The following LRRC37A2 variants were observed in gnomAD, a reference collection of about 807,000 sequenced individuals.
LRRC37A2 encodes leucine rich repeat containing 37 member A2.
A neutral mutation model predicts 68.8 loss-of-function variants in LRRC37A2; 9 were observed. That is an observed-to-expected ratio of 0.13 (90% CI 0.08 to 0.23). The LOEUF is 0.23. LRRC37A2 is among the 10% of genes least tolerant of loss of function. The pLI is 1.00. For missense variants in LRRC37A2, 168 were observed against 950.4 expected (o/e 0.18, Z 10.82); for synonymous variants, 63 against 367.6 (o/e 0.17, Z 9.48).
chr17:46,867,881 C>A, the LRRC37A2 span, among the ~76,000 whole-genome samples: 1 of 152,070 alleles, frequency 6.6e-6, no homozygotes, highest in South Asian at 2.1e-4. Flanking sequence ...AGCCAGAGGT[C>A]ATCGCATGTG....
chr17:46,709,752 C>T, the LRRC37A2 span, among the ~76,000 whole-genome samples: 1 of 152,168 alleles, frequency 6.6e-6, no homozygotes, highest in African/African-American at 2.4e-5. Context: ...GCCTCAGCCT[C>T]CCAAAGTGCT....
chr17:46,680,400 T>C, the LRRC37A2 span, among the ~76,000 whole-genome samples: 1 of 151,590 alleles, frequency 6.6e-6, no homozygotes, highest in African/African-American at 2.4e-5. Flanking sequence ...GATAATTGAC[T>C]ACCTATTTGG....
At chr17:46,844,466 C>A in the LRRC37A2 span, among the ~76,000 whole-genome samples, 1 of 152,106 alleles carries the variant, frequency 6.6e-6, no homozygotes, top group African/African-American at 2.4e-5. Context: ...AACTGTCTAC[C>A]AGTCAGGACA....
At chr17:46,842,945 G>T in the LRRC37A2 span, among the ~76,000 whole-genome samples, 2 of 152,230 alleles carry the variant, frequency 1.3e-5, no homozygotes, top group Non-Finnish European at 2.9e-5. Context: ...AGAAACCGAG[G>T]TCGCAGAGGA....
the LRRC37A2 span, among the ~76,000 whole-genome samples, chr17:46,846,128 A>G: frequency 6.6e-6 from 1 of 152,126 alleles, no homozygotes; most frequent in Non-Finnish European, 1.5e-5. Context: ...CCAGGTCACT[A>G]CTTACTTACC....
chr17:46,502,633 C>G, the LRRC37A2 span, among the ~76,000 whole-genome samples: 1 of 151,334 alleles, frequency 6.6e-6, no homozygotes, highest in Non-Finnish European at 1.5e-5. Context: ...AGCACATACA[C>G]CTAGTTGCTG....
the LRRC37A2 span, chr17:46,886,807 G>GT: frequency 6.4e-4 from 98 of 153,516 alleles, 1 homozygote; most frequent in Middle Eastern, 3.3e-3. Flanking sequence ...AACAGCATCT[G>GT]TTTTTTTTGT....
chr17:46,876,487 G>A, the LRRC37A2 span: 1 of 1,613,542 alleles, frequency 6.2e-7, no homozygotes, highest in South Asian at 1.1e-5. Flanking sequence ...CTGGGGACCT[G>A]GTGTACATGG....
the LRRC37A2 span, among the ~76,000 whole-genome samples, chr17:46,477,975 C>T: frequency 1.1e-5 from 1 of 90,980 alleles, no homozygotes; most frequent in Admixed American, 1.1e-4. Flanking sequence ...TTTTTTACTA[C>T]TTTCCTTTCT....
chr17:46,831,133 G>A, the LRRC37A2 span, among the ~76,000 whole-genome samples: 1 of 152,196 alleles, frequency 6.6e-6, no homozygotes, highest in Non-Finnish European at 1.5e-5. Flanking sequence ...GAAATGCCTG[G>A]AGTCTGGAAA....
At chr17:46,752,996 T>A in the LRRC37A2 span, among the ~76,000 whole-genome samples, 1 of 152,230 alleles carries the variant, frequency 6.6e-6, no homozygotes, top group South Asian at 2.1e-4. Flanking sequence ...CTCGATCTAC[T>A]GACCTCAGGT....
the LRRC37A2 span, among the ~76,000 whole-genome samples, chr17:46,723,390 G>A: frequency 6.6e-6 from 1 of 152,168 alleles, no homozygotes; most frequent in Non-Finnish European, 1.5e-5. Flanking sequence ...TACCACATTG[G>A]CTGCGGTTCC....
At chr17:46,610,007 C>CTCTTTCTTTCTTTCTTTCTT in the LRRC37A2 span, among the ~76,000 whole-genome samples, 10 of 117,034 alleles carry the variant, frequency 8.5e-5, 1 homozygote, top group African/African-American at 3.2e-4. Flanking sequence ...CTTTCTTTCT[C>CTCTTTCTTTCTTTCTTTCTT]TCTTTCTTTC....
the LRRC37A2 span, among the ~76,000 whole-genome samples, chr17:46,592,976 A>C: frequency 7.6e-6 from 1 of 132,306 alleles, no homozygotes; most frequent in African/African-American, 2.9e-5. Flanking sequence ...TCCCCCGGTA[A>C]AATTTGTCAG....
At chr17:46,494,744 A>T in the LRRC37A2 span, among the ~76,000 whole-genome samples, 1 of 151,264 alleles carries the variant, frequency 6.6e-6, no homozygotes, top group Non-Finnish European at 1.5e-5. Flanking sequence ...TAATATTTTG[A>T]TAGATTGATA....
the LRRC37A2 span, among the ~76,000 whole-genome samples, chr17:47,000,714 C>T: frequency 1.3e-5 from 2 of 152,208 alleles, no homozygotes; most frequent in Admixed American, 6.5e-5. Context: ...GATGATACAA[C>T]TTTGACCTGC....
chr17:47,010,267 C>T, the LRRC37A2 span, among the ~76,000 whole-genome samples: 802 of 152,302 alleles, frequency 5.3e-3, 2 homozygotes, highest in Non-Finnish European at 8.5e-3. Flanking sequence ...CTGAGCAGCT[C>T]CACCAGCTTC....
chr17:46,814,825 G>A, the LRRC37A2 span, among the ~76,000 whole-genome samples: 4 of 152,228 alleles, frequency 2.6e-5, no homozygotes, highest in Non-Finnish European at 5.9e-5. Flanking sequence ...GGAGTGGGTG[G>A]GAGAGGCAGC....
At chr17:46,910,837 A>C in the LRRC37A2 span, among the ~76,000 whole-genome samples, 2 of 152,192 alleles carry the variant, frequency 1.3e-5, no homozygotes, top group Admixed American at 6.5e-5. Flanking sequence ...CCATGACTTG[A>C]GCCCACGGTC....
Sources: gnomAD v4.1 joint callset for allele counts (sites outside exome capture counted in the v4.1 genomes callset) on GRCh38, gnomAD v4.1.1 for gene constraint, MANE v1.5 for transcripts, NCBI Gene and HGNC (gene_info 2026-07-23, HGNC 2026-07-21) for gene names.